Variants in RIMS2 observed in about 807,000 individuals in gnomAD.
RIMS2 encodes regulating synaptic membrane exocytosis protein 2.
RIMS2 carries 59 observed loss-of-function variants against 174.4 expected under a neutral mutation model. The ratio of observed to expected loss-of-function variants is 0.34; its 90% CI spans 0.27 to 0.42. The LOEUF (loss-of-function observed/expected upper bound fraction) is 0.42. Among genes scored for constraint, RIMS2 ranks in the 10% least tolerant of loss-of-function variants. RIMS2 has a pLI of 1.00. For missense variants in RIMS2, 1,620 were observed against 1,666.3 expected, an observed-to-expected ratio of 0.97 and a Z score of 0.48; for synonymous variants, 606 against 572.5, an observed-to-expected ratio of 1.06 and a Z score of -0.84.
intron 1 of RIMS2, among the ~76,000 whole-genome samples, chr8:103,651,335 G>A (rs2096448777): frequency 6.6e-6 from 1 of 152,210 alleles, no homozygotes; most frequent in African/African-American, 2.4e-5. Context: ...GTGCTGAACT[G>A]ACTTGCTCCT....
chr8:103,803,641 A>G (rs2098630551), intron 3 of RIMS2, among the ~76,000 whole-genome samples: 1 of 152,214 alleles, frequency 6.6e-6, no homozygotes, highest in African/African-American at 2.4e-5. Flanking sequence ...AGAGTATGGC[A>G]AAGATGTTGG....
intron 1 of RIMS2, among the ~76,000 whole-genome samples, chr8:103,653,972 T>C (rs2096491484): frequency 2.0e-5 from 3 of 152,096 alleles, no homozygotes; most frequent in Admixed American, 6.6e-5. Context: ...CCTTTTATGA[T>C]ACAGGAATTT....
chr8:103,520,216 A>G (rs1157089533), intron 1 of RIMS2, among the ~76,000 whole-genome samples: 1 of 152,160 alleles, frequency 6.6e-6, no homozygotes, highest in Non-Finnish European at 1.5e-5. Context: ...GGGTACACAG[A>G]AGACATTCAA....
intron 3 of RIMS2, among the ~76,000 whole-genome samples, chr8:103,816,449 A>G (rs1455421399): frequency 6.6e-6 from 1 of 152,232 alleles, no homozygotes; most frequent in East Asian, 1.9e-4. Flanking sequence ...ACAAGAATGC[A>G]GGACTTAACC....
intron 19 of RIMS2, among the ~76,000 whole-genome samples, chr8:104,243,235 T>C (rs1375152538): frequency 1.3e-5 from 2 of 152,310 alleles, no homozygotes; most frequent in East Asian, 1.9e-4. Context: ...TTATATTTCA[T>C]TTATACTCTT....
chr8:104,026,929 A>G (rs2096269592), intron 19 of RIMS2, among the ~76,000 whole-genome samples: 1 of 152,184 alleles, frequency 6.6e-6, no homozygotes. Context: ...TTATGGTGGA[A>G]TTGGTGGATA....
chr8:103,726,906 T>G (rs1331935927), intron 2 of RIMS2, among the ~76,000 whole-genome samples: 1 of 150,828 alleles, frequency 6.6e-6, no homozygotes, highest in African/African-American at 2.4e-5. Context: ...GCCCAGCTAA[T>G]TTTTGTATTT....
chr8:104,237,046 A>G (rs2099262508), intron 19 of RIMS2, among the ~76,000 whole-genome samples: 1 of 152,176 alleles, frequency 6.6e-6, no homozygotes, highest in African/African-American at 2.4e-5. Context: ...ATTTATTTAA[A>G]ATTATTTCAG....
intron 1 of RIMS2, among the ~76,000 whole-genome samples, chr8:103,578,657 G>C (rs1255372385): frequency 1.3e-5 from 2 of 152,052 alleles, no homozygotes; most frequent in Admixed American, 6.5e-5. Flanking sequence ...GGAGGGGAGT[G>C]GGGCAACATT....
chr8:103,896,353 G>A (rs2099277716), intron 4 of RIMS2, among the ~76,000 whole-genome samples: 1 of 151,662 alleles, frequency 6.6e-6, no homozygotes, highest in African/African-American at 2.4e-5. Flanking sequence ...CCTTTCAGTA[G>A]ACCCGTCCTG....
In RIMS2 at chr8:103,817,781, A is replaced by T. The variant is rs1381678054; in HGVS notation, c.698+51244A>T. Reference sequence around the variant, plus strand: ...TGAGACTCTGTCTCCAAAAAAATAAATAATTAATTAATTTAAAAATAAATA... The same window carrying T: ...TGAGACTCTGTCTCCAAAAAAATAATTAATTAATTAATTTAAAAATAAATA... On this transcript the variant is annotated intron_variant, in intron 3 of 23. Transcript: ENST00000504942. Among the ~76,000 whole-genome samples the T allele has an allele frequency of 2.0e-5, 3 of 152,296 alleles. No homozygotes were observed. The East Asian group carries it at 5.8e-4, about 29-fold the overall frequency.
At chr8:103,726,942 T>G (rs1325906842) in intron 2 of RIMS2, among the ~76,000 whole-genome samples, 1 of 151,326 alleles carries the variant, frequency 6.6e-6, no homozygotes, top group Non-Finnish European at 1.5e-5. Flanking sequence ...TTTCACCATG[T>G]TGGCCAGGCT....
chr8:104,015,562 A>G, intron 19 of RIMS2: 1 of 473,650 alleles, frequency 2.1e-6, no homozygotes, highest in Admixed American at 4.0e-5. Context: ...GTGTAGACTT[A>G]AATACAGTAA....
chr8:103,710,402 A>G (rs1474491687), intron 2 of RIMS2, among the ~76,000 whole-genome samples: 2 of 152,154 alleles, frequency 1.3e-5, no homozygotes, highest in Non-Finnish European at 2.9e-5. Flanking sequence ...GGCAGGACAT[A>G]TGGAAGTACC....
chr8:103,636,786 G>GCCCCCCC (rs1353500438), intron 1 of RIMS2, among the ~76,000 whole-genome samples: 1 of 27,160 alleles, frequency 3.7e-5, no homozygotes, highest in Admixed American at 3.8e-4. Flanking sequence ...ACCCACCCCC[G>GCCCCCCC]CACCCCCCCC....
At chr8:103,966,445 A>C (rs898841900) in intron 15 of RIMS2, among the ~76,000 whole-genome samples, 2 of 152,030 alleles carry the variant, frequency 1.3e-5, no homozygotes, top group Non-Finnish European at 2.9e-5. Context: ...TATCCTTTTA[A>C]TGTCCGTGGG....
At chr8:104,085,359 C>T (rs965566902) in intron 19 of RIMS2, among the ~76,000 whole-genome samples, 17 of 152,136 alleles carry the variant, frequency 1.1e-4, no homozygotes, top group African/African-American at 3.9e-4. Context: ...ATGGTCATAC[C>T]AGCTATGTTA....
At chr8:104,063,274 A>G (rs1007883363) in intron 19 of RIMS2, among the ~76,000 whole-genome samples, 9 of 152,094 alleles carry the variant, frequency 5.9e-5, no homozygotes, top group African/African-American at 2.2e-4. Flanking sequence ...TGATCATCCC[A>G]CAAGTTCTTG....
chr8:104,184,709 A>G (rs2098959028), intron 19 of RIMS2, among the ~76,000 whole-genome samples: 1 of 151,586 alleles, frequency 6.6e-6, no homozygotes, highest in South Asian at 2.1e-4. Flanking sequence ...TTAATACAAA[A>G]AGATACAGTA....
Sources: gnomAD v4.1 joint callset for allele counts (sites outside exome capture counted in the v4.1 genomes callset) on GRCh38, gnomAD v4.1.1 for gene constraint, MANE v1.5 for transcripts, NCBI Gene and HGNC (gene_info 2026-07-23, HGNC 2026-07-21) for gene names.